NRDC: variants seen among roughly 807,000 people sequenced by gnomAD.
NRDC encodes nardilysin convertase, also known as nardilysin.
NRDC carries 54 observed loss-of-function variants against 147.1 expected under a neutral mutation model. The ratio of observed to expected loss-of-function variants is 0.37; its 90% CI spans 0.29 to 0.46. NRDC has a LOEUF of 0.46. Among genes scored for constraint, NRDC ranks in the 20% least tolerant of loss-of-function variants. The probability of loss-of-function intolerance (pLI) is 1.00; values close to 1 mark genes in which losing one functional copy is unlikely to be tolerated. For missense variants in NRDC, 1,082 were observed against 1,370.6 expected (o/e 0.79, Z 3.33); for synonymous variants, 440 against 482.1 (o/e 0.91, Z 1.14).
At chr1:51,799,695 C>CT (rs1263506818) in intron 21 of NRDC, among the ~76,000 whole-genome samples, 1 of 152,156 alleles carries the variant, frequency 6.6e-6, no homozygotes, top group Non-Finnish European at 1.5e-5. Flanking sequence ...CAGAAGGATA[C>CT]TTTTTTCTGA....
intron 23 of NRDC, 87 bp from the exon 24 acceptor site, chr1:51,794,697 G>C: frequency 6.3e-7 from 1 of 1,584,850 alleles, no homozygotes; most frequent in Non-Finnish European, 8.6e-7. Flanking sequence ...TTGTACACCA[G>C]CCTCAAAAAA....
intron 21 of NRDC, among the ~76,000 whole-genome samples, chr1:51,799,910 A>C (rs997068215): frequency 6.6e-6 from 1 of 152,346 alleles, no homozygotes; most frequent in African/African-American, 2.4e-5. Flanking sequence ...CATGTTTAGC[A>C]ATTTAACTCA....
chr1:51,876,760 T>C (rs918559719), intron 1 of NRDC, among the ~76,000 whole-genome samples: 4 of 152,240 alleles, frequency 2.6e-5, no homozygotes, highest in African/African-American at 9.6e-5. Context: ...AAGTGTCATC[T>C]GTCAAAGAGG....
chr1:51,818,960 T>C (rs1328969460), intron 9 of NRDC, among the ~76,000 whole-genome samples: 1 of 152,222 alleles, frequency 6.6e-6, no homozygotes, highest in Non-Finnish European at 1.5e-5. Flanking sequence ...ATATATATAC[T>C]TTATAATCTC....
At chr1:51,867,248 G>A (rs1460162260) in intron 1 of NRDC, among the ~76,000 whole-genome samples, 1 of 152,160 alleles carries the variant, frequency 6.6e-6, no homozygotes, top group African/African-American at 2.4e-5. Flanking sequence ...AAAGGAAGAA[G>A]ACAGAAATGG....
chr1:51,818,289 C>T (rs924789802), intron 9 of NRDC, among the ~76,000 whole-genome samples, 154 bp from the exon 10 acceptor site: 3 of 152,174 alleles, frequency 2.0e-5, no homozygotes, highest in African/African-American at 4.8e-5. Context: ...TTTTCCAACT[C>T]GAATAATGCA....
chr1:51,837,154 T>C (rs1412504765), intron 2 of NRDC, among the ~76,000 whole-genome samples: 2 of 152,332 alleles, frequency 1.3e-5, no homozygotes, highest in South Asian at 4.1e-4. Flanking sequence ...TCCTTGAAGA[T>C]AGAAAGGCGA....
At chr1:51,813,558 A>C (rs75848670) in intron 14 of NRDC, among the ~76,000 whole-genome samples, 2,716 of 152,206 alleles carry the variant, frequency 0.018, 80 homozygotes, top group African/African-American at 0.063. Flanking sequence ...GACCTCCCAA[A>C]ATGCTTGGAT....
chr1:51,799,648 C>T (rs1679095337), intron 21 of NRDC, among the ~76,000 whole-genome samples: 3 of 152,200 alleles, frequency 2.0e-5, no homozygotes, highest in African/African-American at 7.2e-5. Flanking sequence ...TTTTCTCTCC[C>T]TCCCACAAAG....
At chr1:51,798,995 A>T (rs1431656129) in intron 21 of NRDC, 7 of 152,256 alleles carry the variant, frequency 4.6e-5, no homozygotes, top group Admixed American at 4.6e-4. Flanking sequence ...GAATTAATGA[A>T]TTTATATAAC....
intron 1 of NRDC, among the ~76,000 whole-genome samples, chr1:51,844,770 A>G (rs1245581110): frequency 9.6e-6 from 1 of 103,912 alleles, no homozygotes; most frequent in Non-Finnish European, 1.9e-5. Flanking sequence ...GGAGGGACGG[A>G]GGGAGGGGGG....
At chr1:51,843,674 G>C (rs1195512324) in intron 1 of NRDC, among the ~76,000 whole-genome samples, 1 of 151,876 alleles carries the variant, frequency 6.6e-6, no homozygotes, top group African/African-American at 2.4e-5. Context: ...TAACTTATGA[G>C]GGTTGAAAAA....
chr1:51,827,955 T>C, intron 4 of NRDC, 86 bp from the exon 5 acceptor site: 1 of 1,035,096 alleles, frequency 9.7e-7, no homozygotes, highest in South Asian at 1.4e-5. Context: ...ACTTACTAAG[T>C]TGGAGATTTA....
intron 22 of NRDC, among the ~76,000 whole-genome samples, chr1:51,795,898 A>T (rs1182603569): frequency 6.6e-6 from 1 of 152,108 alleles, no homozygotes; most frequent in South Asian, 2.1e-4. Flanking sequence ...AACAAAAAAA[A>T]ACACCAGGGT....
At chr1:51,873,260 A>G (rs1285408524) in intron 1 of NRDC, among the ~76,000 whole-genome samples, 1 of 152,158 alleles carries the variant, frequency 6.6e-6, no homozygotes, top group Non-Finnish European at 1.5e-5. Flanking sequence ...CGTGCTGCCA[A>G]AGTGAGCAAA....
At chr1:51,855,826 T>C (rs1461008253) in intron 1 of NRDC, among the ~76,000 whole-genome samples, 3 of 151,920 alleles carry the variant, frequency 2.0e-5, no homozygotes, top group Admixed American at 1.3e-4. Flanking sequence ...TGAGCCAAGA[T>C]TGCGCCATGG....
At chr1:51,842,924 C>G (rs1681341543) in intron 1 of NRDC, among the ~76,000 whole-genome samples, 1 of 151,856 alleles carries the variant, frequency 6.6e-6, no homozygotes, top group South Asian at 2.1e-4. Context: ...CAAAAATTAG[C>G]TAGGCATGGT....
chr1:51,846,702 A>AC (rs1681630318), intron 1 of NRDC, among the ~76,000 whole-genome samples: 1 of 152,200 alleles, frequency 6.6e-6, no homozygotes, highest in African/African-American at 2.4e-5. Flanking sequence ...CACCAACAAG[A>AC]TTTATCGCCA....
intron 4 of NRDC, 34 bp downstream of exon 4, chr1:51,833,983 T>C: frequency 1.9e-6 from 3 of 1,576,856 alleles, no homozygotes; most frequent in Non-Finnish European, 1.7e-6. Flanking sequence ...TGCCATTAGA[T>C]CATTAAAATT....
Sources: allele counts gnomAD v4.1 joint callset (sites outside exome capture counted in the v4.1 genomes callset), GRCh38; gene constraint gnomAD v4.1.1; transcripts MANE v1.5; gene names NCBI Gene and HGNC (gene_info 2026-07-23, HGNC 2026-07-21).